The following PPP3CC variants were observed in gnomAD, a reference collection of about 807,000 sequenced individuals.
PPP3CC encodes the protein serine/threonine-protein phosphatase 2B catalytic subunit gamma isoform.
A neutral mutation model predicts 60.3 loss-of-function variants in PPP3CC; 35 were observed. That is an observed-to-expected ratio of 0.58 (90% CI 0.44 to 0.77). The LOEUF (loss-of-function observed/expected upper bound fraction) is 0.77. Ranked by LOEUF, PPP3CC falls within the 30% of genes least tolerant of loss-of-function variation. The probability of loss-of-function intolerance (pLI) is 0.00; values close to 1 mark genes in which losing one functional copy is unlikely to be tolerated. For missense variants in PPP3CC, 570 were observed against 628.9 expected, an observed-to-expected ratio of 0.91 and a Z score of 1.00; for synonymous variants, 206 against 224.3, an observed-to-expected ratio of 0.92 and a Z score of 0.73.
chr8:22,534,981 A>G (rs1418388716), intron 12 of PPP3CC, among the ~76,000 whole-genome samples: 3 of 152,240 alleles, frequency 2.0e-5, no homozygotes, highest in African/African-American at 7.2e-5. Context: ...AGAAGGGCAC[A>G]GGGAACATCT....
In PPP3CC at chr8:22,441,539, T is replaced by C. The variant is rs2132414918; in HGVS notation, c.49+81T>C. On this transcript the variant is annotated intron_variant, in intron 1 of 13. Transcript: ENST00000240139. ...GCGGCGGCTCGGGGCGGAGGGAGGCTGGGGCCGGGCTGCGCCCACCCTAGG... is the reference window on the plus strand; with the variant it reads ...GCGGCGGCTCGGGGCGGAGGGAGGCCGGGGCCGGGCTGCGCCCACCCTAGG... 37 of 1,416,490 alleles carry C rather than the reference T, an allele frequency of 2.6e-5. No individual in the cohort carries two copies. In the South Asian group the frequency reaches 5.4e-4, roughly 21 times the overall value. 87.7% of individuals were successfully genotyped at this position (1,416,490 alleles called of 1,614,324 possible). A position where few individuals can be genotyped will look rare whatever the true frequency, so the allele number is the denominator to read the frequency against.
At position 22,498,111 on chromosome 8, in the gene PPP3CC, A is replaced by G. The variant is rs1395778269; in HGVS notation, c.483A>G (p.Glu161=). The stretch of plus-strand genomic sequence containing the variant: ...CAGACTATTTCACCTTCAAACAGGA[A>G]TGTAAGTATAATCACTCCTCTAGAA... ...HLTDYFTFKQ[E]CRIKYSEQVY... The change falls in exon 4 of 14, where the codon GAA becomes GAG. Residue 161 remains glutamate (E), a splice_region_variant and synonymous_variant. Transcript: ENST00000240139. The G allele has an allele frequency of 2.5e-6, 4 of 1,591,820 alleles. No individual in the cohort carries two copies. Among genetic ancestry groups the G allele is most frequent in the Non-Finnish European group, 3.4e-6 (4 of 1,160,226 alleles).
At chr8:22,463,229 T>C (rs886441729) in intron 1 of PPP3CC, among the ~76,000 whole-genome samples, 3 of 152,228 alleles carry the variant, frequency 2.0e-5, no homozygotes, top group Non-Finnish European at 2.9e-5. Context: ...CTGATTATCT[T>C]GGACATAAAT....
rs1485249211 is a variant in PPP3CC at position 22,532,999 on chromosome 8, C to T, written c.1302C>T (p.Gly434=). 6.2e-7 allele frequency: 1 copy of T among 1,604,722 alleles called. No homozygotes were observed. Among genetic ancestry groups the T allele is most frequent in the South Asian group, 1.1e-5 (1 of 90,064 alleles). The change falls in exon 12 of 14, where the codon GGC becomes GGT. Residue 434 remains glycine (G), a synonymous_variant. Transcript: ENST00000240139. ...TCCCTCTGGGCGTCCTCTCAGGAGG[C>T]AAGCAGACTATCGAGACAGGTGAGT... is the stretch of plus-strand genomic sequence containing the variant. ...GTLPLGVLSG[G]KQTIETATVE...
intron 1 of PPP3CC, among the ~76,000 whole-genome samples, chr8:22,445,506 G>A (rs1323921555): frequency 6.6e-6 from 1 of 152,084 alleles, no homozygotes; most frequent in African/African-American, 2.4e-5. Context: ...GTTTCCATCT[G>A]CAGGTATATT....
intron 3 of PPP3CC, among the ~76,000 whole-genome samples, chr8:22,491,144 C>T (rs974888569): frequency 6.6e-6 from 1 of 152,130 alleles, no homozygotes; most frequent in Non-Finnish European, 1.5e-5. Context: ...CTATGATGAA[C>T]ACCCTCATAT....
intron 8 of PPP3CC, chr8:22,523,631 C>T (rs1481101120): frequency 2.2e-6 from 1 of 452,186 alleles, no homozygotes; most frequent in Admixed American, 2.4e-5. Context: ...CCTCTTTTGG[C>T]ATTGCCTTCA....
chr8:22,480,813 A>G (rs544817733), intron 3 of PPP3CC, among the ~76,000 whole-genome samples: 4 of 152,310 alleles, frequency 2.6e-5, no homozygotes, highest in South Asian at 2.1e-4. Context: ...TACTTAATTG[A>G]GGCTGGTCAC....
intron 4 of PPP3CC, among the ~76,000 whole-genome samples, chr8:22,504,969 C>T (rs901052933): frequency 3.3e-5 from 5 of 151,016 alleles, no homozygotes; most frequent in Non-Finnish European, 5.9e-5. Flanking sequence ...GGTGCAACCT[C>T]ATAGCTCTGG....
intron 8 of PPP3CC, 42 bp downstream of exon 8, chr8:22,522,791 A>C (rs771271441): frequency 4.4e-6 from 6 of 1,362,790 alleles, no homozygotes; most frequent in Non-Finnish European, 6.3e-6. Context: ...TTTATGAGTA[A>C]ACGTGAGCTC....
At chr8:22,463,150 A>G (rs1837413117) in intron 1 of PPP3CC, among the ~76,000 whole-genome samples, 1 of 152,224 alleles carries the variant, frequency 6.6e-6, no homozygotes, top group Non-Finnish European at 1.5e-5. Flanking sequence ...GAAAATGCCA[A>G]GAGAATAAAG....
chr8:22,526,766 T>A (rs1354395080), intron 8 of PPP3CC, among the ~76,000 whole-genome samples: 1 of 152,238 alleles, frequency 6.6e-6, no homozygotes, highest in Non-Finnish European at 1.5e-5. Context: ...ACTATCTGAA[T>A]GGTTAATATT....
intron 4 of PPP3CC, among the ~76,000 whole-genome samples, chr8:22,498,595 T>C (rs1479744687): frequency 1.3e-5 from 2 of 152,254 alleles, no homozygotes; most frequent in African/African-American, 2.4e-5. Flanking sequence ...CAAATAAAAT[T>C]GGGCTCATAT....
chr8:22,463,223 T>G (rs1837416041), intron 1 of PPP3CC, among the ~76,000 whole-genome samples: 1 of 152,180 alleles, frequency 6.6e-6, no homozygotes, highest in South Asian at 2.1e-4. Context: ...TGTGTTCTGA[T>G]TATCTTGGAC....
intron 3 of PPP3CC, among the ~76,000 whole-genome samples, chr8:22,490,501 G>A (rs970384625): frequency 1.1e-4 from 17 of 151,908 alleles, no homozygotes; most frequent in South Asian, 4.1e-4. Flanking sequence ...TGTGCACAAC[G>A]TGCAGGTTTG....
intron 1 of PPP3CC, among the ~76,000 whole-genome samples, chr8:22,447,244 A>G (rs1004295753): frequency 6.8e-6 from 1 of 146,036 alleles, no homozygotes; most frequent in African/African-American, 2.5e-5. Flanking sequence ...CAGTGGCGCA[A>G]TCTCGGCTCA....
intron 4 of PPP3CC, among the ~76,000 whole-genome samples, chr8:22,505,055 C>A (rs1363365439): frequency 8.3e-6 from 1 of 121,056 alleles, no homozygotes; most frequent in Non-Finnish European, 1.6e-5. Context: ...GATAGGGAGT[C>A]TCGCTTCGTC....
At chr8:22,462,745 A>T (rs1837399449) in intron 1 of PPP3CC, among the ~76,000 whole-genome samples, 1 of 151,770 alleles carries the variant, frequency 6.6e-6, no homozygotes, top group African/African-American at 2.4e-5. Flanking sequence ...TAATTTTTGT[A>T]TTTTTAGTAG....
intron 1 of PPP3CC, among the ~76,000 whole-genome samples, chr8:22,464,971 T>A (rs556058986): frequency 1.3e-5 from 2 of 149,286 alleles, no homozygotes; most frequent in African/African-American, 4.9e-5. Context: ...GACATTAGAC[T>A]CTCCCTTTTT....
Sources: allele counts gnomAD v4.1 joint callset (sites outside exome capture counted in the v4.1 genomes callset), GRCh38; gene constraint gnomAD v4.1.1; transcripts MANE v1.5; gene names NCBI Gene and HGNC (gene_info 2026-07-23, HGNC 2026-07-21).